Variants in TFDP2 observed in about 807,000 individuals in gnomAD.
The protein encoded by TFDP2 is transcription factor Dp-2.
Under a neutral mutation model 59.3 loss-of-function variants are expected in TFDP2, and 17 were observed. That is an observed-to-expected ratio of 0.29 (90% CI 0.20 to 0.43). TFDP2 has a LOEUF of 0.43. Ranked by LOEUF, TFDP2 falls within the 20% of genes least tolerant of loss-of-function variation. The pLI, the probability that TFDP2 is intolerant of heterozygous loss-of-function variation, is 1.00. For missense variants in TFDP2, 391 were observed against 528.8 expected, an observed-to-expected ratio of 0.74 and a Z score of 2.56; for synonymous variants, 180 against 194.7, an observed-to-expected ratio of 0.92 and a Z score of 0.63.
chr3:142,056,310 T>TA (rs11338630), intron 3 of TFDP2, among the ~76,000 whole-genome samples: 12,195 of 137,748 alleles, frequency 0.089, 631 homozygotes, highest in Middle Eastern at 0.14. Flanking sequence ...AACAGTGAAT[T>TA]AAAAAAAAAA....
At chr3:142,081,143 A>T (rs1260700234) in intron 3 of TFDP2, among the ~76,000 whole-genome samples, 1 of 152,228 alleles carries the variant, frequency 6.6e-6, no homozygotes. Context: ...ATCTTCTCTG[A>T]CCACAATGGA....
chr3:142,071,079 A>G (rs936991018), intron 3 of TFDP2, among the ~76,000 whole-genome samples: 23 of 152,198 alleles, frequency 1.5e-4, no homozygotes, highest in African/African-American at 5.5e-4. Context: ...AGAACAGGGA[A>G]CTAAAAGCAG....
rs531282666 is a variant in TFDP2, at chr3:142,066,485, C to A, written c.82+26576G>T. Reference sequence around the variant, plus strand: ...TTAGGCAAAGTCATCTACCACAAAGCCTATTTTATAATAAAGTGTTGAATA... The same window carrying A: ...TTAGGCAAAGTCATCTACCACAAAGACTATTTTATAATAAAGTGTTGAATA... On this transcript the variant is annotated intron_variant, in intron 3 of 12. Transcript: ENST00000489671. Among the ~76,000 whole-genome samples, 5 of 152,218 alleles carry A rather than the reference C, an allele frequency of 3.3e-5. No individual in the cohort carries two copies. The East Asian group carries it at 7.7e-4, about 23-fold the overall frequency.
intron 3 of TFDP2, among the ~76,000 whole-genome samples, chr3:142,034,761 G>C (rs1946607133): frequency 6.7e-6 from 1 of 148,610 alleles, no homozygotes; most frequent in African/African-American, 2.5e-5. Flanking sequence ...TGTCACCCAG[G>C]CTGGAGTGCA....
intron 3 of TFDP2, among the ~76,000 whole-genome samples, chr3:142,054,357 A>G (rs188109781): frequency 1.5e-3 from 225 of 152,350 alleles, no homozygotes; most frequent in Admixed American, 5.4e-3. Context: ...TCTTGAAAAC[A>G]TTATGCTAAG....
At chr3:142,120,759 T>G (rs753984343) in intron 1 of TFDP2, among the ~76,000 whole-genome samples, 1 of 152,146 alleles carries the variant, frequency 6.6e-6, no homozygotes, top group Non-Finnish European at 1.5e-5. Context: ...ACTGTAGCAG[T>G]AGTACACTTG....
At chr3:141,971,507 G>A (rs980848559) in intron 8 of TFDP2, among the ~76,000 whole-genome samples, 41 of 151,588 alleles carry the variant, frequency 2.7e-4, no homozygotes, top group African/African-American at 8.5e-4. Context: ...CGAAGATTGC[G>A]CCACTGAACT....
At chr3:142,058,275 ATGAAC>A (rs1049805472) in intron 3 of TFDP2, among the ~76,000 whole-genome samples, 1 of 152,038 alleles carries the variant, frequency 6.6e-6, no homozygotes, top group African/African-American at 2.4e-5. Context: ...GTACCTAATA[ATGAAC>A]TGTTTTTACT....
At chr3:142,034,231 G>C (rs949661530) in intron 3 of TFDP2, among the ~76,000 whole-genome samples, 1 of 151,806 alleles carries the variant, frequency 6.6e-6, no homozygotes, top group African/African-American at 2.4e-5. Context: ...GAGTAGCTGG[G>C]ATTACAGGCA....
chr3:142,041,393 T>C (rs1348996537), intron 3 of TFDP2, among the ~76,000 whole-genome samples: 1 of 152,182 alleles, frequency 6.6e-6, no homozygotes, highest in Non-Finnish European at 1.5e-5. Context: ...TGGGAGGTAA[T>C]TGAATCATGA....
chr3:142,105,717 T>C (rs1291629169), intron 1 of TFDP2, among the ~76,000 whole-genome samples: 2 of 152,150 alleles, frequency 1.3e-5, no homozygotes, highest in Non-Finnish European at 2.9e-5. Context: ...TACAATTTTG[T>C]TTGGTATTCC....
chr3:142,103,867 T>G (rs2061390479), intron 1 of TFDP2, among the ~76,000 whole-genome samples: 1 of 152,040 alleles, frequency 6.6e-6, no homozygotes, highest in South Asian at 2.1e-4. Context: ...CAAGTAAAAT[T>G]TTGTAGAAGA....
At chr3:141,955,992 G>C (rs1936570102) in intron 11 of TFDP2, among the ~76,000 whole-genome samples, 1 of 152,094 alleles carries the variant, frequency 6.6e-6, no homozygotes, top group Non-Finnish European at 1.5e-5. Context: ...ATTTTTAGTA[G>C]AGATGGGGTT....
At chr3:142,143,589 A>C (rs2063041131) in intron 1 of TFDP2, among the ~76,000 whole-genome samples, 1 of 152,248 alleles carries the variant, frequency 6.6e-6, no homozygotes, top group Non-Finnish European at 1.5e-5. Context: ...AAATGAGCAA[A>C]AGATCTGAAT....
chr3:142,079,490 C>T (rs347680), intron 3 of TFDP2, among the ~76,000 whole-genome samples: 135,544 of 152,222 alleles, frequency 0.89, 60,599 homozygotes, highest in African/African-American at 0.97. Flanking sequence ...AGAGATAATA[C>T]CAGCAAAATT....
In TFDP2 at chr3:142,094,534, A is replaced by C. The variant is rs202155278; in HGVS notation, c.16-1407T>G. Reference sequence around the variant, plus strand: ...TGGCCAGGCTGGTCTCGAACTCCTGACCTCAAGTGATCTGCCCACCGTAGC... The same window carrying C: ...TGGCCAGGCTGGTCTCGAACTCCTGCCCTCAAGTGATCTGCCCACCGTAGC... On this transcript the variant is annotated intron_variant, in intron 2 of 12. Transcript: ENST00000489671. Among the ~76,000 whole-genome samples, 4 of 151,780 alleles carry C rather than the reference A, an allele frequency of 2.6e-5. No individual in the cohort carries two copies. The East Asian group carries it at 7.7e-4, about 29-fold the overall frequency.
rs1292611258 is a variant in TFDP2 at position 141,951,633 on chromosome 3, C to T, written c.*880G>A. The T allele has an allele frequency of 6.6e-6, 1 of 152,612 alleles. No homozygotes were observed. Among genetic ancestry groups the T allele is most frequent in the Non-Finnish European group, 1.5e-5 (1 of 68,040 alleles). The allele number at this position is 152,612 out of a possible 1,614,324, so 9.5% of individuals were successfully genotyped here. ...GGGAACTGTAGGCAAGCAATTTGGT[C>T]ATAGGAATTTGTTTCTTTGTCTTGT... On this transcript the variant is annotated 3_prime_UTR_variant, in exon 13 of 13. Coordinates refer to ENST00000489671, the MANE Select transcript of TFDP2 (RefSeq NM_001178139.2).
At chr3:142,001,553 A>C (rs1007589338) in intron 4 of TFDP2, among the ~76,000 whole-genome samples, 5 of 152,078 alleles carry the variant, frequency 3.3e-5, no homozygotes, top group Non-Finnish European at 7.4e-5. Flanking sequence ...CATGCACGCT[A>C]ATCTCCTTAT....
At chr3:142,057,708 TAGAG>T (rs2059789274) in intron 3 of TFDP2, among the ~76,000 whole-genome samples, 2 of 152,222 alleles carry the variant, frequency 1.3e-5, no homozygotes, top group African/African-American at 4.8e-5. Flanking sequence ...AGAAAAACGT[TAGAG>T]AAAGACTTTA....
Sources: allele counts gnomAD v4.1 joint callset (sites outside exome capture counted in the v4.1 genomes callset), GRCh38; gene constraint gnomAD v4.1.1; transcripts MANE v1.5; gene names NCBI Gene and HGNC (gene_info 2026-07-23, HGNC 2026-07-21).